Variants in STOX2 observed in about 807,000 individuals in gnomAD.
STOX2 encodes the protein storkhead box 2.
In STOX2, 28 loss-of-function variants were observed where a neutral mutation model predicts 60.9. The ratio of observed to expected loss-of-function variants is 0.46; its 90% CI spans 0.34 to 0.63. STOX2 has a LOEUF of 0.63. STOX2 is among the 30% of genes least tolerant of loss of function. The pLI is 0.01. For synonymous variants in STOX2, 472 were observed against 463.9 expected (o/e 1.02, Z -0.22); for missense variants, 1,024 against 1,187.7 (o/e 0.86, Z 2.03).
At chr4:183,998,283 T>C (rs1278820169) in intron 1 of STOX2, among the ~76,000 whole-genome samples, 1 of 152,202 alleles carries the variant, frequency 6.6e-6, no homozygotes, top group Non-Finnish European at 1.5e-5. Context: ...CCTTTTCATC[T>C]GACTTTAAAA....
intron 1 of STOX2, among the ~76,000 whole-genome samples, chr4:183,867,897 CAGGGGATGCAGA>C (rs1415673889): frequency 2.6e-5 from 4 of 152,202 alleles, no homozygotes; most frequent in Admixed American, 2.0e-4. Context: ...CGGTATGGCT[CAGGGGATGCAGA>C]AGAAGGAAGA....
At chr4:183,904,745 C>T (rs921638432), upstream of STOX2, among the ~76,000 whole-genome samples, 2 of 152,198 alleles carry the variant, frequency 1.3e-5, no homozygotes, top group African/African-American at 2.4e-5. Context: ...ATGCCTGTGG[C>T]TTAACGCCAT....
intron 1 of STOX2, among the ~76,000 whole-genome samples, chr4:183,829,952 G>A (rs1223491805): frequency 6.6e-6 from 1 of 152,216 alleles, no homozygotes; most frequent in East Asian, 1.9e-4. Flanking sequence ...ATGGAATGCT[G>A]AAGATGGCCA....
rs867071244 is a variant in STOX2, at chr4:183,881,566, A to G, written c.364+83511A>G. Among the ~76,000 whole-genome samples the G allele has an allele frequency of 2.6e-5, 4 of 152,368 alleles. No homozygotes were observed. In the South Asian group the frequency reaches 8.3e-4, roughly 32 times the overall value. ...ACTGCCTCACATTTTAAGCTCTTAT[A>G]TATTTGTTAAATAACTAAATGGAAT... is the stretch of plus-strand genomic sequence containing the variant. On this transcript the variant is annotated intron_variant, in intron 1 of 2. Transcript: ENST00000513034.
chr4:183,878,373 A>G (rs1026376040), intron 1 of STOX2, among the ~76,000 whole-genome samples: 5 of 152,204 alleles, frequency 3.3e-5, no homozygotes, highest in African/African-American at 7.2e-5. Context: ...TGAAACAGCT[A>G]TTACTTAAGC....
intron 1 of STOX2, among the ~76,000 whole-genome samples, chr4:183,892,710 C>A (rs757687335): frequency 2.6e-5 from 4 of 152,174 alleles, no homozygotes; most frequent in African/African-American, 9.7e-5. Flanking sequence ...GCAAACTGGA[C>A]ACTCTTCTCA....
rs1415345460 is a variant in STOX2, at chr4:184,010,890, T to C, written c.2052T>C (p.His684=). 1.2e-6 allele frequency: 2 copies of C among 1,612,706 alleles called. No individual in the cohort carries two copies. Among genetic ancestry groups the C allele is most frequent in the Middle Eastern group, 1.6e-4 (1 of 6,062 alleles). Residue 684 remains histidine, a synonymous_variant, in exon 3 of 4, where the codon CAT becomes CAC. Coordinates refer to ENST00000308497, the MANE Select transcript of STOX2 (RefSeq NM_020225.3). This position sits in a 1 kb window ranked among gnomAD's most constrained non-coding sequence, Gnocchi z 4.5. ...GIANGRLVQH[H]GAEPSSLDKR... ...CCAACGGACGCCTCGTCCAGCACCATGGTGCCGAGCCCAGCAGCTTGGACA... is the reference window on the plus strand; with the variant it reads ...CCAACGGACGCCTCGTCCAGCACCACGGTGCCGAGCCCAGCAGCTTGGACA...
intron 1 of STOX2, among the ~76,000 whole-genome samples, chr4:183,818,770 C>T (rs1340537313): frequency 2.0e-5 from 3 of 150,732 alleles, no homozygotes; most frequent in African/African-American, 4.9e-5. Flanking sequence ...TGGGCGGAGA[C>T]GCTCCCCACC....
Position 183,851,098 on chromosome 4 carries a change from C to CGATGAGGGAAAG in STOX2, c.364+53054_364+53055insGGATGAGGGAAA, listed in dbSNP as rs1740117238. On this transcript the variant is annotated intron_variant, in intron 1 of 2. Coordinates refer to the STOX2 transcript ENST00000513034. Reference sequence around the variant, plus strand: ...AGGATGAGAGAAAGGATGAGGGAAACGATGAGGGAAACGATGAGGGAAAGG... The same window carrying CGATGAGGGAAAG: ...AGGATGAGAGAAAGGATGAGGGAAACGATGAGGGAAAGGATGAGGGAAACGATGAGGGAAAGG... 7.4e-4 allele frequency among the ~76,000 whole-genome samples: 9 copies of CGATGAGGGAAAG among 12,106 alleles called. 2 individuals carry two copies. Among genetic ancestry groups the CGATGAGGGAAAG allele is most frequent in the South Asian group, 5.3e-3 (1 of 188 alleles). 7.9% of individuals were successfully genotyped at this position (12,106 alleles called of 152,430 possible).
intron 1 of STOX2, among the ~76,000 whole-genome samples, chr4:183,842,389 A>G (rs879629133): frequency 6.6e-6 from 1 of 152,128 alleles, no homozygotes; most frequent in Non-Finnish European, 1.5e-5. Context: ...ATTTCCCTTT[A>G]ATTACCTCCT....
intron 1 of STOX2, among the ~76,000 whole-genome samples, chr4:183,817,524 G>C (rs763852020): frequency 6.6e-6 from 1 of 152,184 alleles, no homozygotes; most frequent in Non-Finnish European, 1.5e-5. Flanking sequence ...TTGGTAGAAA[G>C]ACTGGAAACT....
In STOX2 at chr4:184,010,238, T is replaced by C. The variant is rs913150262; in HGVS notation, c.1400T>C (p.Val467Ala). Residue 467 changes from valine (V) to alanine (A), a missense_variant, in exon 3 of 4, where the codon GTG becomes GCG. Coordinates refer to ENST00000308497, the MANE Select transcript of STOX2 (RefSeq NM_020225.3). The surrounding 1 kb of genome is among the most constrained non-coding windows in gnomAD (Gnocchi z 4.5). Reference protein sequence around the residue: ...EPSRGSSHSKVHRSHSHTQDR... With the variant: ...EPSRGSSHSKAHRSHSHTQDR... ...TCTAGGGGAAGCTCCCACTCAAAAG[T>C]GCACCGAAGCCACAGCCATACACAG... 1 of 1,559,356 alleles carries C rather than the reference T, an allele frequency of 6.4e-7. No individual in the cohort carries two copies. Among genetic ancestry groups the C allele is most frequent in the South Asian group, 1.2e-5 (1 of 84,582 alleles).
At chr4:183,841,700 C>A (rs1449717897) in intron 1 of STOX2, among the ~76,000 whole-genome samples, 1 of 152,172 alleles carries the variant, frequency 6.6e-6, no homozygotes, top group Non-Finnish European at 1.5e-5. Flanking sequence ...AAAAAATACA[C>A]AGCTTATTAA....
At chr4:183,823,868 C>G (rs1239851709) in intron 1 of STOX2, among the ~76,000 whole-genome samples, 1 of 152,012 alleles carries the variant, frequency 6.6e-6, no homozygotes, top group Non-Finnish European at 1.5e-5. Flanking sequence ...TGTTCTTTGG[C>G]ACATTTTAGC....
chr4:183,845,465 G>T (rs1739964132), intron 1 of STOX2, among the ~76,000 whole-genome samples: 1 of 152,160 alleles, frequency 6.6e-6, no homozygotes, highest in African/African-American at 2.4e-5. Context: ...ACATCTTCCA[G>T]GTCTTTGATG....
At chr4:183,881,354 ATTAG>A (rs1740955017) in intron 1 of STOX2, among the ~76,000 whole-genome samples, 1 of 152,274 alleles carries the variant, frequency 6.6e-6, no homozygotes, top group East Asian at 1.9e-4. Flanking sequence ...TACAAAAAAA[ATTAG>A]TTAGGTGTGG....
chr4:184,018,592 A>C lies in STOX2; in HGVS notation c.*1308A>C, dbSNP rs1367111600. 1 of 152,228 alleles carries C rather than the reference A, an allele frequency of 6.6e-6. No individual in the cohort carries two copies. The highest frequency in any genetic ancestry group is 1.5e-5 in the Non-Finnish European group (1 of 68,038). The allele number at this position is 152,228 out of a possible 1,614,324, so 9.4% of individuals were successfully genotyped here. A position where few individuals can be genotyped will look rare whatever the true frequency, so the allele number is the denominator to read the frequency against. On this transcript the variant is annotated 3_prime_UTR_variant, in exon 4 of 4. Transcript: ENST00000308497. ...CTATGCCAGAGTAATGTTTACAGAT[A>C]CTTTGTAACCAATTTCAGGAGGCGT... is the stretch of plus-strand genomic sequence containing the variant.
chr4:183,842,662 C>T (rs189301293), intron 1 of STOX2, among the ~76,000 whole-genome samples: 34 of 152,270 alleles, frequency 2.2e-4, no homozygotes, highest in Admixed American at 2.2e-3. Flanking sequence ...TGTTGGCTGC[C>T]TATGTTTCAT....
At position 184,009,879 on chromosome 4, in the gene STOX2, C is replaced by T. The variant is rs1280273889; in HGVS notation, c.1041C>T (p.Ala347=). The change falls in exon 3 of 4, where the codon GCC becomes GCT. Residue 347 remains alanine (A), a synonymous_variant. Coordinates refer to ENST00000308497, the MANE Select transcript of STOX2 (RefSeq NM_020225.3). This position sits in a 1 kb window ranked among gnomAD's most constrained non-coding sequence, Gnocchi z 4.0. The part of the protein sequence containing the change: ...LEEEKAQRSK[A]GSSAHHSGRS... ...AAGAAAAGGCCCAGAGGAGTAAAGC[C>T]GGGTCCTCTGCCCATCACAGCGGAA... The T allele has an allele frequency of 3.1e-6, 5 of 1,611,662 alleles. No individual in the cohort carries two copies. The highest frequency in any genetic ancestry group is 2.2e-5 in the East Asian group (1 of 44,808).
Sources: gnomAD v4.1 joint callset for allele counts (sites outside exome capture counted in the v4.1 genomes callset) on GRCh38, gnomAD v4.1.1 for gene constraint, Gnocchi (gnomAD v3.1) non-coding constraint, MANE v1.5 for transcripts, NCBI Gene and HGNC (gene_info 2026-07-23, HGNC 2026-07-21) for gene names.